The following ZNF165 variants were observed in gnomAD, a reference collection of about 807,000 sequenced individuals.
ZNF165 encodes zinc finger protein 165.
In ZNF165, 14 loss-of-function variants were observed where a neutral mutation model predicts 19.6. The ratio of observed to expected loss-of-function variants is 0.71; its 90% CI spans 0.47 to 1.12. The LOEUF (loss-of-function observed/expected upper bound fraction) is 1.12, where lower values mean the gene tolerates loss of function less well. Ranked by LOEUF, ZNF165 falls within the 50% of genes most tolerant of loss-of-function variation. The pLI is 0.00. For missense variants in ZNF165, 504 were observed against 566.3 expected, an observed-to-expected ratio of 0.89 and a Z score of 1.12; for synonymous variants, 165 against 195.0, an observed-to-expected ratio of 0.85 and a Z score of 1.28.
rs1561796737 is a variant in ZNF165 at position 28,085,520 on chromosome 6, C to A, written c.40C>A (p.Pro14Thr). The part of the protein sequence containing the change: ...EPKKAAAQNS[P>T]EDEGLLIVKI... ...AAAGAAAGCTGCAGCCCAGAACTCT[C>A]CAGAGGATGAAGGACTTCTGATAGT... is the stretch of plus-strand genomic sequence containing the variant. Residue 14 changes from proline to threonine, a missense_variant, in exon 2 of 4, where the codon CCA becomes ACA. Pro to Thr is a conservative substitution (Grantham distance 38). Transcript: ENST00000683778. 1 of 1,614,160 alleles carries A rather than the reference C, an allele frequency of 6.2e-7. No homozygotes were observed. The highest frequency in any genetic ancestry group is 8.5e-7 in the Non-Finnish European group (1 of 1,180,032).
At position 28,088,650 on chromosome 6, in the gene ZNF165, C is replaced by T. The variant is rs769316805; in HGVS notation, c.638C>T (p.Ser213Leu). 3.1e-6 allele frequency: 5 copies of T among 1,613,878 alleles called. No individual in the cohort carries two copies. The highest frequency in any genetic ancestry group is 1.7e-6 in the Non-Finnish European group (2 of 1,180,006). ...CAGAGAATTATATCTGGAAGAATCT[C>T]AGGATACATATCAGAAGCATCTGGT... ...ESQRIISGRI[S>L]GYISEASGES... is the part of the protein sequence containing the mutation. Residue 213 changes from serine (S) to leucine (L), a missense_variant, in exon 4 of 4, where the codon TCA (serine) becomes TTA (leucine). Ser to Leu is a moderately radical substitution (Grantham distance 145). Transcript: ENST00000683778.
chr6:28,081,423 G>A (rs1381924579), intron 1 of ZNF165: 1 of 152,122 alleles, frequency 6.6e-6, no homozygotes, highest in Non-Finnish European at 1.5e-5. Flanking sequence ...AGGACACTTG[G>A]GGACAACCCC....
rs1561798519 is a variant in ZNF165 at position 28,088,783 on chromosome 6, A to G, written c.771A>G (p.Lys257=). 1 of 1,614,010 alleles carries G rather than the reference A, an allele frequency of 6.2e-7. No homozygotes were observed. The highest frequency in any genetic ancestry group is 1.3e-5 in the African/African-American group (1 of 74,894). The change falls in exon 4 of 4, where the codon AAA becomes AAG. Residue 257 remains lysine (K), a synonymous_variant. Coordinates refer to ENST00000683778, the MANE Select transcript of ZNF165 (RefSeq NM_001376491.1). ...LSSAQDEGFG[K]ILTHKNTVRG... ...CTGCCCAGGATGAAGGTTTTGGTAA[A>G]ATCCTCACCCACAAAAATACAGTCA...
chr6:28,087,575 C>T (rs1039760165), intron 3 of ZNF165, among the ~76,000 whole-genome samples: 2 of 152,274 alleles, frequency 1.3e-5, no homozygotes, highest in South Asian at 4.1e-4. Flanking sequence ...TCTACATATT[C>T]TGCCTTCAGT....
At chr6:28,085,107 A>G (rs1764244395) in intron 1 of ZNF165, among the ~76,000 whole-genome samples, 1 of 152,052 alleles carries the variant, frequency 6.6e-6, no homozygotes, top group South Asian at 2.1e-4. Context: ...CTCCTATTTT[A>G]TGAAGCACTT....
chr6:28,088,141 A>G (rs1764322562), intron 3 of ZNF165, among the ~76,000 whole-genome samples: 1 of 152,200 alleles, frequency 6.6e-6, no homozygotes, highest in African/African-American at 2.4e-5. Flanking sequence ...ACAGTCACTT[A>G]TAGCTTTACT....
In ZNF165 at chr6:28,088,666, A is replaced by G; in HGVS notation, c.654A>G (p.Glu218=). ...ISGRISGYIS[E]ASGESQDICK... Reference sequence around the variant, plus strand: ...GAAGAATCTCAGGATACATATCAGAAGCATCTGGTGAGTCTCAAGACATCT... The same window carrying G: ...GAAGAATCTCAGGATACATATCAGAGGCATCTGGTGAGTCTCAAGACATCT... Residue 218 remains glutamate (E), a synonymous_variant, in exon 4 of 4, where the codon GAA becomes GAG. Coordinates refer to ENST00000683778, the MANE Select transcript of ZNF165 (RefSeq NM_001376491.1). 6.2e-7 allele frequency: 1 copy of G among 1,614,208 alleles called. No individual in the cohort carries two copies. The highest frequency in any genetic ancestry group is 1.3e-5 in the African/African-American group (1 of 75,072).
chr6:28,086,119 AC>A (rs1472405674), intron 2 of ZNF165, 52 bp from the exon 3 acceptor site: 2 of 1,565,776 alleles, frequency 1.3e-6, no homozygotes, highest in East Asian at 4.5e-5. Context: ...TTGTTAGAAG[AC>A]GTTTAACACA....
In ZNF165 at chr6:28,085,906, GGA is replaced by G. The variant is rs747454319; in HGVS notation, c.411+18_411+19del. ...CAGTACTCCAGGTGCACAGGGGATG[GGA>G]GATCTAAGACCTCCATAATGGATAA... On this transcript the variant is annotated intron_variant, in intron 2 of 3. Transcript: ENST00000683778. 10 of 1,603,370 alleles carry G rather than the reference GGA, an allele frequency of 6.2e-6. No homozygotes were observed. In the South Asian group the frequency reaches 1.1e-4, roughly 18 times the overall value.
intron 1 of ZNF165, among the ~76,000 whole-genome samples, chr6:28,084,896 A>G (rs1764236443): frequency 6.6e-6 from 1 of 152,048 alleles, no homozygotes. Context: ...TGCCTCTATA[A>G]TTTTCTTATA....
At position 28,089,152 on chromosome 6, in the gene ZNF165, C is replaced by G; in HGVS notation, c.1140C>G (p.Ser380Arg). 1 of 1,614,160 alleles carries G rather than the reference C, an allele frequency of 6.2e-7. No individual in the cohort carries two copies. The highest frequency in any genetic ancestry group is 8.5e-7 in the Non-Finnish European group (1 of 1,180,020). Residue 380 changes from serine (S) to arginine (R), a missense_variant, in exon 4 of 4, where the codon AGC becomes AGG. By Grantham distance (110) the Ser-to-Arg change is moderately radical. Coordinates refer to ENST00000683778, the MANE Select transcript of ZNF165 (RefSeq NM_001376491.1). ...RCYECNECGK[S>R]FAESSDLTRH... ...ATGAATGTAATGAATGTGGGAAAAG[C>G]TTTGCAGAGAGCTCAGATCTTACTA...
At chr6:28,083,246 A>G (rs909343833) in intron 1 of ZNF165, among the ~76,000 whole-genome samples, 1 of 152,154 alleles carries the variant, frequency 6.6e-6, no homozygotes, top group Non-Finnish European at 1.5e-5. Context: ...TTTAAGCCCC[A>G]TGTTAAATAC....
At chr6:28,084,137 T>C (rs1290667063) in intron 1 of ZNF165, among the ~76,000 whole-genome samples, 1 of 152,212 alleles carries the variant, frequency 6.6e-6, no homozygotes, top group Non-Finnish European at 1.5e-5. Context: ...TTACCATCTC[T>C]AGGAGCAGGC....
intron 2 of ZNF165, 130 bp downstream of exon 2, chr6:28,086,021 T>A: frequency 2.0e-6 from 3 of 1,487,394 alleles, no homozygotes; most frequent in Non-Finnish European, 1.8e-6. Flanking sequence ...TCCTTTCCTG[T>A]CTGTTTGATT....
rs774941688 is a variant in ZNF165 at position 28,088,651 on chromosome 6, A to G, written c.639A>G (p.Ser213=). The change falls in exon 4 of 4, where the codon TCA becomes TCG. Residue 213 remains serine (S), a synonymous_variant. Transcript: ENST00000683778. The part of the protein sequence containing the change: ...ESQRIISGRI[S]GYISEASGES... ...AGAGAATTATATCTGGAAGAATCTCAGGATACATATCAGAAGCATCTGGTG... is the reference window on the plus strand; with the variant it reads ...AGAGAATTATATCTGGAAGAATCTCGGGATACATATCAGAAGCATCTGGTG... The G allele has an allele frequency of 1.2e-6, 2 of 1,614,134 alleles. No individual in the cohort carries two copies. The highest frequency in any genetic ancestry group is 1.7e-6 in the Non-Finnish European group (2 of 1,179,996).
In ZNF165 at chr6:28,088,705, C is replaced by T. The variant is rs746865804; in HGVS notation, c.693C>T (p.Gly231=). The part of the protein sequence containing the change: ...GESQDICKSA[G]RVKRQWEKES... ...CTCAAGACATCTGTAAGTCTGCAGGCAGGGTAAAGAGACAATGGGAAAAAG... is the reference window on the plus strand; with the variant it reads ...CTCAAGACATCTGTAAGTCTGCAGGTAGGGTAAAGAGACAATGGGAAAAAG... The change falls in exon 4 of 4, where the codon GGC becomes GGT. Residue 231 remains glycine (G), a synonymous_variant. Transcript: ENST00000683778. The T allele has an allele frequency of 8.1e-5, 131 of 1,613,932 alleles. No homozygotes were observed. The highest frequency in any genetic ancestry group is 1.7e-4 in the Admixed American group (10 of 60,000).
intron 1 of ZNF165, 77 bp from the exon 2 acceptor site, chr6:28,085,404 T>G: frequency 6.9e-7 from 1 of 1,447,376 alleles, no homozygotes. Context: ...AATAGTAACT[T>G]TTGATCCCTC....
rs114511782 is a variant in ZNF165 at position 28,089,360 on chromosome 6, C to A, written c.1348C>A (p.His450Asn). 3.0e-5 allele frequency: 48 copies of A among 1,614,162 alleles called. No individual in the cohort carries two copies. The African/African-American group carries it at 6.0e-4, about 20-fold the overall frequency. Residue 450 changes from histidine to asparagine, a missense_variant, in exon 4 of 4, where the codon CAC (histidine) becomes AAC (asparagine). His to Asn is a moderately conservative substitution (Grantham distance 68). Transcript: ENST00000683778. ...SSHLIRHFRI[H>N]TGEKPYECSE... ...ACATCTTATTCGACACTTTAGAATTCACACTGGAGAAAAACCCTATGAATG... is the reference window on the plus strand; with the variant it reads ...ACATCTTATTCGACACTTTAGAATTAACACTGGAGAAAAACCCTATGAATG...
intron 3 of ZNF165, among the ~76,000 whole-genome samples, chr6:28,088,167 C>T (rs984644110): frequency 2.0e-5 from 3 of 152,114 alleles, no homozygotes; most frequent in African/African-American, 7.2e-5. Flanking sequence ...CTCTTGTGTT[C>T]TCATCTGCTT....
Sources: allele counts gnomAD v4.1 joint callset (sites outside exome capture counted in the v4.1 genomes callset), GRCh38; gene constraint gnomAD v4.1.1; transcripts MANE v1.5; gene names NCBI Gene and HGNC (gene_info 2026-07-23, HGNC 2026-07-21).